The following RHBDD2 variants were observed in gnomAD, a reference collection of about 807,000 sequenced individuals.
RHBDD2 encodes the protein rhomboid domain-containing protein 2.
Under a neutral mutation model 21.7 loss-of-function variants are expected in RHBDD2, and 13 were observed. The observed-to-expected ratio is 0.60, with a 90% confidence interval of 0.39 to 0.95. The LOEUF (loss-of-function observed/expected upper bound fraction) is 0.95. RHBDD2 is among the 40% of genes least tolerant of loss of function. RHBDD2 has a pLI of 0.00. For missense variants in RHBDD2, 473 were observed against 478.9 expected (o/e 0.99, Z 0.11); for synonymous variants, 225 against 220.0 (o/e 1.02, Z -0.20).
chr7:75,885,535 A>C (rs1805608682), intron 3 of RHBDD2, among the ~76,000 whole-genome samples: 1 of 152,148 alleles, frequency 6.6e-6, no homozygotes, highest in South Asian at 2.1e-4. Flanking sequence ...CTCGCTGGGA[A>C]AGGCGTGTTC....
chr7:75,884,763 C>A (rs112829231), intron 3 of RHBDD2, among the ~76,000 whole-genome samples: 2,935 of 152,256 alleles, frequency 0.019, 41 homozygotes, highest in Non-Finnish European at 0.028. Flanking sequence ...ATCTAATTGA[C>A]ATTAGACACA....
In RHBDD2 at chr7:75,881,504, C is replaced by T. The variant is rs1317985563; in HGVS notation, c.179-325C>T. Reference sequence around the variant, plus strand: ...CCAGTGAGGTAGGTCAGTATGAAAACCTGAAAAAGGATTATAAAGCACTTT... The same window carrying T: ...CCAGTGAGGTAGGTCAGTATGAAAATCTGAAAAAGGATTATAAAGCACTTT... On this transcript the variant is annotated intron_variant, in intron 1 of 3. Transcript: ENST00000006777. The T allele has an allele frequency of 3.0e-6, 4 of 1,312,072 alleles. No individual in the cohort carries two copies. The African/African-American group carries it at 6.0e-5, about 20-fold the overall frequency. 81.3% of individuals were successfully genotyped at this position (1,312,072 alleles called of 1,614,324 possible).
rs374123667 is a variant in RHBDD2, at chr7:75,887,975, C to A, written c.738-17C>A. The A allele has an allele frequency of 4.1e-5, 66 of 1,603,112 alleles. 1 individual carries two copies. The Admixed American group carries it at 7.0e-4, about 17-fold the overall frequency. ...AAGACTCGCTGAAGGACCATTTTCT[C>A]TCTTGTTCCATTCCAGACTGAACCC... On this transcript the variant is annotated splice_polypyrimidine_tract_variant and intron_variant, in intron 3 of 3. Coordinates refer to ENST00000006777, the MANE Select transcript of RHBDD2 (RefSeq NM_001040456.3).
chr7:75,888,076 C>A lies in RHBDD2; in HGVS notation c.822C>A (p.His274Gln), dbSNP rs781878614. 1.2e-6 allele frequency: 2 copies of A among 1,613,856 alleles called. No homozygotes were observed. Among genetic ancestry groups the A allele is most frequent in the South Asian group, 2.2e-5 (2 of 91,088 alleles). The change falls in exon 4 of 4, where the codon CAC (histidine) becomes CAA (glutamine). Residue 274 changes from histidine (H) to glutamine (Q), a missense_variant. Transcript: ENST00000006777. ...SPSHPVSQTQ[H>Q]ASGQKLASWP... ...GCCACCCTGTGTCCCAGACGCAGCA[C>A]GCCAGTGGTCAGAAGCTGGCCTCCT...
intron 1 of RHBDD2, among the ~76,000 whole-genome samples, chr7:75,879,556 G>C (rs1360704029): frequency 6.6e-6 from 1 of 152,048 alleles, no homozygotes; most frequent in Non-Finnish European, 1.5e-5. Context: ...AAATCCATTC[G>C]CTAGCAAATC....
chr7:75,879,153 C>G lies in RHBDD2; in HGVS notation c.71C>G (p.Thr24Ser). The G allele has an allele frequency of 6.7e-7, 1 of 1,488,670 alleles. No individual in the cohort carries two copies. Among genetic ancestry groups the G allele is most frequent in the Non-Finnish European group, 9.0e-7 (1 of 1,115,460 alleles). The allele number at this position is 1,488,670 out of a possible 1,614,324, so 92.2% of individuals were successfully genotyped here. ...CPEVPSATFF[T>S]ALLSLLVSGP... ...GAGGTGCCATCCGCCACCTTCTTCACTGCGCTGCTCTCGCTGCTGGTTTCC... is the reference window on the plus strand; with the variant it reads ...GAGGTGCCATCCGCCACCTTCTTCAGTGCGCTGCTCTCGCTGCTGGTTTCC... The change falls in exon 1 of 4, where the codon ACT becomes AGT. Residue 24 changes from threonine (T) to serine (S), a missense_variant. Physicochemically the swap from Thr to Ser is moderately conservative, Grantham distance 58. Transcript: ENST00000006777.
At chr7:75,884,069 A>G (rs192573613) in intron 3 of RHBDD2, among the ~76,000 whole-genome samples, 3 of 151,536 alleles carry the variant, frequency 2.0e-5, no homozygotes, top group African/African-American at 7.3e-5. Context: ...ATTTTTTTGT[A>G]TTTTTAGTAG....
chr7:75,879,384 C>G lies in RHBDD2; in HGVS notation c.178+124C>G, dbSNP rs573248626. 25 of 932,330 alleles carry G rather than the reference C, an allele frequency of 2.7e-5. No individual in the cohort carries two copies. The East Asian group carries it at 6.3e-4, about 24-fold the overall frequency. The allele number at this position is 932,330 out of a possible 1,614,324, so 57.8% of individuals were successfully genotyped here. On this transcript the variant is annotated intron_variant, in intron 1 of 3. Transcript: ENST00000006777. ...CCGCCAGTCTCCCCCTGTCTCGGTC[C>G]TCATCACCATGCCCGCCCCCCGGAG...
intron 1 of RHBDD2, among the ~76,000 whole-genome samples, chr7:75,879,962 CA>C (rs782766827): frequency 2.0e-5 from 3 of 152,202 alleles, no homozygotes; most frequent in Non-Finnish European, 4.4e-5. Flanking sequence ...AGGAAATTTG[CA>C]TATCTCCTGC....
intron 2 of RHBDD2, among the ~76,000 whole-genome samples, chr7:75,882,586 A>G (rs1554542847): frequency 6.6e-6 from 1 of 152,082 alleles, no homozygotes; most frequent in Non-Finnish European, 1.5e-5. Context: ...TGGCCTCCCA[A>G]AGTGCTAGGA....
intron 2 of RHBDD2, among the ~76,000 whole-genome samples, chr7:75,883,223 A>C (rs114563143): frequency 5.9e-5 from 9 of 152,174 alleles, no homozygotes; most frequent in African/African-American, 2.2e-4. Flanking sequence ...CAGTGAGTAG[A>C]AACCTTTGGC....
chr7:75,881,740 G>T, intron 1 of RHBDD2, 89 bp from the exon 2 acceptor site: 1 of 1,307,204 alleles, frequency 7.6e-7, no homozygotes, highest in Non-Finnish European at 1.1e-6. Context: ...CACGGAGGGG[G>T]GCTCTCTGCC....
At chr7:75,885,804 G>T (rs782233819) in intron 3 of RHBDD2, among the ~76,000 whole-genome samples, 13 of 152,072 alleles carry the variant, frequency 8.5e-5, no homozygotes, top group African/African-American at 3.1e-4. Flanking sequence ...CTCACGCAAG[G>T]TCTGCCCCCG....
intron 3 of RHBDD2, among the ~76,000 whole-genome samples, chr7:75,885,538 G>C (rs551753415): frequency 3.3e-5 from 5 of 152,250 alleles, no homozygotes; most frequent in African/African-American, 1.2e-4. Flanking sequence ...GCTGGGAAAG[G>C]CGTGTTCATC....
At chr7:75,884,859 A>T (rs1805559261) in intron 3 of RHBDD2, among the ~76,000 whole-genome samples, 1 of 152,160 alleles carries the variant, frequency 6.6e-6, no homozygotes, top group African/African-American at 2.4e-5. Flanking sequence ...CACGCCTGTA[A>T]TCCCAGCACT....
intron 1 of RHBDD2, chr7:75,881,583 G>A (rs1554542496): frequency 7.7e-7 from 1 of 1,290,822 alleles, no homozygotes; most frequent in Non-Finnish European, 1.0e-6. Context: ...CCCTCTGGAA[G>A]TCAGTTACCG....
At chr7:75,885,377 C>T (rs1284157262) in intron 3 of RHBDD2, among the ~76,000 whole-genome samples, 3 of 152,072 alleles carry the variant, frequency 2.0e-5, no homozygotes, top group Non-Finnish European at 2.9e-5. Flanking sequence ...TCTGGAAGCA[C>T]GTCCCCTGCT....
chr7:75,884,242 G>A (rs1413076470), intron 3 of RHBDD2, among the ~76,000 whole-genome samples: 1 of 151,896 alleles, frequency 6.6e-6, no homozygotes, highest in Non-Finnish European at 1.5e-5. Context: ...TTTATTTGAG[G>A]ACAGGGTCTT....
intron 1 of RHBDD2, 87 bp downstream of exon 1, chr7:75,879,347 C>T (rs1295408186): frequency 7.2e-6 from 9 of 1,254,280 alleles, no homozygotes; most frequent in African/African-American, 1.6e-5. Context: ...GGACTCGCCC[C>T]TTCAGGCCTC....
Sources: gnomAD v4.1 joint callset for allele counts (sites outside exome capture counted in the v4.1 genomes callset) on GRCh38, gnomAD v4.1.1 for gene constraint, MANE v1.5 for transcripts, NCBI Gene and HGNC (gene_info 2026-07-23, HGNC 2026-07-21) for gene names.